The following GPM6A variants were observed in gnomAD, a reference collection of about 807,000 sequenced individuals.
GPM6A encodes neuronal membrane glycoprotein M6-a.
GPM6A carries 7 observed loss-of-function variants against 32.1 expected under a neutral mutation model. That is an observed-to-expected ratio of 0.22 (90% CI 0.12 to 0.41). The LOEUF (loss-of-function observed/expected upper bound fraction) is 0.41. GPM6A is among the 10% of genes least tolerant of loss of function. The probability of loss-of-function intolerance (pLI) is 1.00; values close to 1 mark genes in which losing one functional copy is unlikely to be tolerated. For missense variants in GPM6A, 235 were observed against 347.2 expected (o/e 0.68, Z 2.57); for synonymous variants, 130 against 123.4 (o/e 1.05, Z -0.35).
intron 1 of GPM6A, among the ~76,000 whole-genome samples, chr4:175,917,246 C>G (rs577132681): frequency 6.6e-6 from 1 of 152,180 alleles, no homozygotes; most frequent in African/African-American, 2.4e-5. Context: ...TCCCTCCACA[C>G]AATCACAGTT....
At chr4:175,913,383 C>G (rs1738383629) in intron 1 of GPM6A, among the ~76,000 whole-genome samples, 1 of 152,198 alleles carries the variant, frequency 6.6e-6, no homozygotes, top group Admixed American at 6.5e-5. Context: ...CACATAAGGT[C>G]ATGTACTTCT....
At chr4:175,925,730 T>A (rs79178892) in intron 1 of GPM6A, among the ~76,000 whole-genome samples, 2 of 152,152 alleles carry the variant, frequency 1.3e-5, no homozygotes, top group Non-Finnish European at 1.5e-5. Flanking sequence ...TCCAAACTAG[T>A]TTCTAGTTTC....
In GPM6A at chr4:175,692,979, C is replaced by T. The variant is rs555892234; in HGVS notation, c.230+8596G>A. The stretch of plus-strand genomic sequence containing the variant: ...TACCATATAGTATAATATTAATTAC[C>T]GCAGCTTCTCAATTCCCTGTATTTG... On this transcript the variant is annotated intron_variant, in intron 2 of 6. Coordinates refer to ENST00000393658, the MANE Select transcript of GPM6A (RefSeq NM_201591.3). 1.1e-3 allele frequency among the ~76,000 whole-genome samples: 166 copies of T among 151,820 alleles called. 4 individuals carry two copies. The highest frequency in any genetic ancestry group is 5.1e-4 in the African/African-American group (21 of 41,436).
intron 1 of GPM6A, among the ~76,000 whole-genome samples, chr4:175,723,982 G>T (rs1437643941): frequency 6.6e-6 from 1 of 152,120 alleles, no homozygotes; most frequent in Non-Finnish European, 1.5e-5. Flanking sequence ...CAAAGGAAAG[G>T]AAATCAGTAT....
intron 1 of GPM6A, among the ~76,000 whole-genome samples, chr4:175,832,903 C>T (rs976809162): frequency 2.0e-5 from 3 of 152,198 alleles, no homozygotes; most frequent in African/African-American, 7.2e-5. Context: ...TTCCCAAAGA[C>T]AATAAGGATG....
intron 1 of GPM6A, among the ~76,000 whole-genome samples, chr4:175,705,594 C>A (rs756325517): frequency 3.3e-5 from 5 of 152,114 alleles, no homozygotes; most frequent in Non-Finnish European, 7.4e-5. Context: ...GGCAGGGGAG[C>A]TTCTTTCCAC....
chr4:175,712,203 A>T (rs1745591835), intron 1 of GPM6A, among the ~76,000 whole-genome samples: 1 of 152,192 alleles, frequency 6.6e-6, no homozygotes, highest in Non-Finnish European at 1.5e-5. Context: ...ATTAATATAA[A>T]ACGGTTTCCT....
chr4:175,817,334 A>G (rs529671375), intron 1 of GPM6A, among the ~76,000 whole-genome samples: 4 of 152,220 alleles, frequency 2.6e-5, no homozygotes, highest in African/African-American at 9.7e-5. Context: ...CTGAATTGTA[A>G]AAGTGTTTAC....
intron 1 of GPM6A, among the ~76,000 whole-genome samples, chr4:175,731,032 T>C (rs1455165788): frequency 6.6e-6 from 1 of 152,186 alleles, no homozygotes; most frequent in Non-Finnish European, 1.5e-5. Context: ...AAAGGGAACT[T>C]AGTGGGTCTG....
intron 2 of GPM6A, among the ~76,000 whole-genome samples, 160 bp from the exon 3 acceptor site, chr4:175,673,996 A>ATGTT (rs1743226624): frequency 6.6e-6 from 1 of 152,188 alleles, no homozygotes; most frequent in South Asian, 2.1e-4. Context: ...CATATATCTA[A>ATGTT]TGTTTATATA....
At position 175,846,037 on chromosome 4, in the gene GPM6A, C is replaced by A. The variant is rs138805460; in HGVS notation, c.-22-33788G>T. Among the ~76,000 whole-genome samples, 734 of 152,116 alleles carry A rather than the reference C, an allele frequency of 4.8e-3. 9 individuals are homozygous for A. Among genetic ancestry groups the A allele is most frequent in the African/African-American group, 0.017 (701 of 41,538 alleles). On this transcript the variant is annotated intron_variant, in intron 1 of 7. Transcript: ENST00000280187. Reference sequence around the variant, plus strand: ...ATTTCACTTTTCCAAATATTAGTCACCCTCAAGTTCATAACACCCTCCACC... The same window carrying A: ...ATTTCACTTTTCCAAATATTAGTCAACCTCAAGTTCATAACACCCTCCACC...
intron 4 of GPM6A, among the ~76,000 whole-genome samples, chr4:175,643,399 A>ACTGT (rs780471323): frequency 1.1e-4 from 17 of 152,102 alleles, no homozygotes; most frequent in Non-Finnish European, 1.8e-4. Context: ...CTTTTGTCCT[A>ACTGT]CTGTCTTGTT....
chr4:175,927,561 C>T (rs1738884138), intron 1 of GPM6A, among the ~76,000 whole-genome samples: 1 of 152,226 alleles, frequency 6.6e-6, no homozygotes, highest in Non-Finnish European at 1.5e-5. Context: ...TCATAGTTAG[C>T]TCTACTTAAT....
chr4:175,905,936 T>A (rs899906336), intron 1 of GPM6A, among the ~76,000 whole-genome samples: 2 of 152,142 alleles, frequency 1.3e-5, no homozygotes, highest in Non-Finnish European at 2.9e-5. Flanking sequence ...AAACAGCTGG[T>A]GTGGACCGCA....
chr4:175,986,047 G>GC (rs201773572), intron 1 of GPM6A, among the ~76,000 whole-genome samples: 5,239 of 151,980 alleles, frequency 0.034, 157 homozygotes, highest in Non-Finnish European at 0.054. Context: ...CTTGCGATCT[G>GC]CCCCCCTCAG....
At position 175,845,518 on chromosome 4, in the gene GPM6A, A is replaced by G. The variant is rs144911497; in HGVS notation, c.-22-33269T>C. On this transcript the variant is annotated intron_variant, in intron 1 of 7. Coordinates refer to the GPM6A transcript ENST00000280187. ...AATGTAGGCATCTATGCATATATAG[A>G]GTTACCGTTGTGCTTATGAGCTCAT... Among the ~76,000 whole-genome samples, 1,031 of 152,224 alleles carry G rather than the reference A, an allele frequency of 6.8e-3. 8 individuals carry two copies. The highest frequency in any genetic ancestry group is 0.023 in the African/African-American group (941 of 41,560).
At chr4:175,896,482 C>A (rs1288288158) in intron 1 of GPM6A, among the ~76,000 whole-genome samples, 3 of 152,124 alleles carry the variant, frequency 2.0e-5, no homozygotes, top group African/African-American at 7.2e-5. Context: ...AAGCCTTAAG[C>A]CTTGATCTGA....
chr4:175,822,519 G>T (rs959074410), intron 1 of GPM6A, among the ~76,000 whole-genome samples: 1 of 152,114 alleles, frequency 6.6e-6, no homozygotes. Context: ...AGTATAAATA[G>T]TATCCTTTTG....
intron 1 of GPM6A, among the ~76,000 whole-genome samples, chr4:175,983,171 C>G (rs1040654139): frequency 6.6e-6 from 1 of 152,152 alleles, no homozygotes; most frequent in African/African-American, 2.4e-5. Flanking sequence ...GCTATGAGGA[C>G]AGATAATCTA....
Sources: allele counts gnomAD v4.1 joint callset (sites outside exome capture counted in the v4.1 genomes callset), GRCh38; gene constraint gnomAD v4.1.1; transcripts MANE v1.5; gene names NCBI Gene and HGNC (gene_info 2026-07-23, HGNC 2026-07-21).